The following PLEKHG2 variants were observed in gnomAD, a reference collection of about 807,000 sequenced individuals.
The protein encoded by PLEKHG2 is pleckstrin homology and RhoGEF domain containing G2.
A neutral mutation model predicts 104.4 loss-of-function variants in PLEKHG2; 71 were observed. The observed-to-expected ratio is 0.68, with a 90% CI of 0.56 to 0.83. PLEKHG2 has a LOEUF of 0.83. Ranked by LOEUF, PLEKHG2 falls within the 40% of genes least tolerant of loss-of-function variation. The pLI is 0.00. For missense variants in PLEKHG2, 1,730 were observed against 1,809.4 expected, an observed-to-expected ratio of 0.96 and a Z score of 0.80; for synonymous variants, 728 against 737.0, an observed-to-expected ratio of 0.99 and a Z score of 0.20.
chr19:39,416,523 G>T lies in PLEKHG2; in HGVS notation c.547-28G>T, dbSNP rs777656128. ...GGGTCGTGGGAAGCCAGGACCTGGG[G>T]TCTCCCTGACTCCCATGTCACCCGC... is the stretch of plus-strand genomic sequence containing the variant. On this transcript the variant is annotated intron_variant, in intron 5 of 18. Coordinates refer to ENST00000425673, the MANE Select transcript of PLEKHG2 (RefSeq NM_022835.3). The surrounding 1 kb of genome is among the most constrained non-coding windows in gnomAD (Gnocchi z 4.5). 3.2e-5 allele frequency: 52 copies of T among 1,613,626 alleles called. No homozygotes were observed. The highest frequency in any genetic ancestry group is 4.2e-5 in the Non-Finnish European group (49 of 1,179,838).
At position 39,423,816 on chromosome 19, in the gene PLEKHG2, C is replaced by A. The variant is rs200143824; in HGVS notation, c.2683C>A (p.Pro895Thr). ...TCAQESVPLG[P>T]AVWVQAAIPL... ...TGCCCAGGAGTCTGTCCCCCTGGGT[C>A]CTGCTGTCTGGGTTCAAGCTGCCAT... The change falls in exon 19 of 19, where the codon CCT (proline) becomes ACT (threonine). Residue 895 changes from proline to threonine, a missense_variant. By Grantham distance (38) the Pro-to-Thr change is conservative. Coordinates refer to ENST00000425673, the MANE Select transcript of PLEKHG2 (RefSeq NM_022835.3). 1 of 1,614,184 alleles carries A rather than the reference C, an allele frequency of 6.2e-7. No individual in the cohort carries two copies. Among genetic ancestry groups the A allele is most frequent in the East Asian group, 2.2e-5 (1 of 44,880 alleles).
At chr19:39,421,241 A>C in intron 15 of PLEKHG2, 42 bp from the exon 16 acceptor site, 2 of 1,613,452 alleles carry the variant, frequency 1.2e-6, no homozygotes, top group East Asian at 4.5e-5. Context: ...TTTCCCTTAC[A>C]TCTCACTAAT....
rs145859648 is a variant in PLEKHG2 at position 39,422,761 on chromosome 19, C to T, written c.1707C>T (p.Pro569=). Residue 569 remains proline (P), a synonymous_variant, in exon 18 of 19, where the codon CCC becomes CCT. Transcript: ENST00000425673. ...CCACCCATGACATTCCCAAGTTCCC[C>T]GGAGACTCCCAGGTGCCTGGCGACA... ...GPSTHDIPKF[P]GDSQVPGDSE... The T allele has an allele frequency of 1.9e-4, 297 of 1,523,684 alleles. 1 individual carries two copies. In the East Asian group the frequency reaches 3.7e-3, roughly 19 times the overall value. 94.4% of individuals were successfully genotyped at this position (1,523,684 alleles called of 1,614,324 possible). A position where few individuals can be genotyped will look rare whatever the true frequency, so the allele number is the denominator to read the frequency against.
Position 39,424,149 on chromosome 19 carries a change from C to G in PLEKHG2, c.3016C>G (p.Pro1006Ala), listed in dbSNP as rs376671296. The change falls in exon 19 of 19, where the codon CCT becomes GCT. Residue 1006 changes from proline (P) to alanine (A), a missense_variant. By Grantham distance (27) the Pro-to-Ala change is conservative. Coordinates refer to ENST00000425673, the MANE Select transcript of PLEKHG2 (RefSeq NM_022835.3). ...ACCAGCTCCATCCACCGCCTTTTGTCCTGAGCAGGGACACTGTGCGGACAT... is the reference window on the plus strand; with the variant it reads ...ACCAGCTCCATCCACCGCCTTTTGTGCTGAGCAGGGACACTGTGCGGACAT... ...VIPAPSTAFC[P>A]EQGHCADIHV... The G allele has an allele frequency of 6.2e-7, 1 of 1,614,188 alleles. No homozygotes were observed. The highest frequency in any genetic ancestry group is 8.5e-7 in the Non-Finnish European group (1 of 1,180,034).
chr19:39,416,211 A>G lies in PLEKHG2; in HGVS notation c.480-137A>G. On this transcript the variant is annotated intron_variant, in intron 4 of 18. Coordinates refer to ENST00000425673, the MANE Select transcript of PLEKHG2 (RefSeq NM_022835.3). The surrounding 1 kb of genome is among the most constrained non-coding windows in gnomAD (Gnocchi z 4.5). The stretch of plus-strand genomic sequence containing the variant: ...CCCTCAGAGGACCCTTCCTCCGGAC[A>G]TGACATCCCCTTAGGAGATGCTGGC... 1.2e-6 allele frequency: 1 copy of G among 820,042 alleles called. No individual in the cohort carries two copies. The highest frequency in any genetic ancestry group is 2.0e-6 in the Non-Finnish European group (1 of 493,596). 50.8% of individuals were successfully genotyped at this position (820,042 alleles called of 1,614,324 possible). A position where few individuals can be genotyped will look rare whatever the true frequency, so the allele number is the denominator to read the frequency against.
chr19:39,419,141 G>A, intron 11 of PLEKHG2, 138 bp downstream of exon 11: 2 of 775,890 alleles, frequency 2.6e-6, no homozygotes, highest in Non-Finnish European at 3.9e-6. Flanking sequence ...CCGCTACTTG[G>A]GTTTGAATCT....
In PLEKHG2 at chr19:39,422,220, C is replaced by A. The variant is rs567170190; in HGVS notation, c.1609C>A (p.Pro537Thr). 3 of 1,613,854 alleles carry A rather than the reference C, an allele frequency of 1.9e-6. No individual in the cohort carries two copies. Among genetic ancestry groups the A allele is most frequent in the East Asian group, 2.2e-5 (1 of 44,868 alleles). Residue 537 changes from proline to threonine, a missense_variant, in exon 17 of 19, where the codon CCC becomes ACC. By Grantham distance (38) the Pro-to-Thr change is conservative. Coordinates refer to ENST00000425673, the MANE Select transcript of PLEKHG2 (RefSeq NM_022835.3). The stretch of plus-strand genomic sequence containing the variant: ...GGATGCTGGACCCCCAACACTGGAC[C>A]CCTCTGGGACCTCAATCACTGAAGA... ...LEDAGPPTLD[P>T]SGTSITEEIL...
chr19:39,421,921 G>A (rs2078704181), intron 16 of PLEKHG2, 194 bp from the exon 17 acceptor site: 3 of 451,974 alleles, frequency 6.6e-6, no homozygotes, highest in Non-Finnish European at 1.1e-5. Flanking sequence ...GGAGGCTGAG[G>A]CAGCAGAATC....
chr19:39,423,803 T>C lies in PLEKHG2; in HGVS notation c.2670T>C (p.Ser890=), dbSNP rs747749442. 1 of 1,614,224 alleles carries C rather than the reference T, an allele frequency of 6.2e-7. No individual in the cohort carries two copies. The highest frequency in any genetic ancestry group is 8.5e-7 in the Non-Finnish European group (1 of 1,180,042). The change falls in exon 19 of 19, where the codon TCT becomes TCC. Residue 890 remains serine (S), a synonymous_variant. Coordinates refer to ENST00000425673, the MANE Select transcript of PLEKHG2 (RefSeq NM_022835.3). ...LAFPLTCAQE[S]VPLGPAVWVQ... is the part of the protein sequence containing the mutation. ...TCCCACTGACATGTGCCCAGGAGTC[T>C]GTCCCCCTGGGTCCTGCTGTCTGGG...
At position 39,423,926 on chromosome 19, in the gene PLEKHG2, C is replaced by T. The variant is rs1414066013; in HGVS notation, c.2793C>T (p.His931=). ...NLPKQDLPGI[H]VSAATLLPEQ... ...CTAAGCAAGACCTTCCGGGCATCCA[C>T]GTTTCAGCTGCTACCCTTTTGCCTG... Residue 931 remains histidine (H), a synonymous_variant, in exon 19 of 19, where the codon CAC becomes CAT. Transcript: ENST00000425673. 4.3e-6 allele frequency: 7 copies of T among 1,614,184 alleles called. No individual in the cohort carries two copies. Among genetic ancestry groups the T allele is most frequent in the Admixed American group, 3.3e-5 (2 of 60,024 alleles).
chr19:39,424,702 A>G lies in PLEKHG2; in HGVS notation c.3569A>G (p.Gln1190Arg). Residue 1190 changes from glutamine to arginine, a missense_variant, in exon 19 of 19, where the codon CAG becomes CGG. Transcript: ENST00000425673. Reference sequence around the variant, plus strand: ...CCGGAGCCAAGCCTTACAGATACACAGGTCCAAAAACTCACACCTTCGTTG... The same window carrying G: ...CCGGAGCCAAGCCTTACAGATACACGGGTCCAAAAACTCACACCTTCGTTG... The part of the protein sequence containing the change: ...PLPEPSLTDT[Q>R]VQKLTPSLEQ... 1.9e-6 allele frequency: 3 copies of G among 1,614,150 alleles called. No individual in the cohort carries two copies. Among genetic ancestry groups the G allele is most frequent in the Non-Finnish European group, 1.7e-6 (2 of 1,180,018 alleles).
intron 17 of PLEKHG2, 93 bp downstream of exon 17, chr19:39,422,381 A>ATT (rs529744489): frequency 6.6e-6 from 8 of 1,220,514 alleles, no homozygotes; most frequent in South Asian, 1.7e-5. Flanking sequence ...TGATACCTTT[A>ATT]TTTTTTTTTT....
rs762122588 is a variant in PLEKHG2 at position 39,416,559 on chromosome 19, T to C, written c.555T>C (p.Asp185=). ...IAECFVQRSE[D]FDIYTLYCMN... Reference sequence around the variant, plus strand: ...TCCCATGTCACCCGCAGAGCGAGGATTTTGACATCTACACATTGTACTGCA... The same window carrying C: ...TCCCATGTCACCCGCAGAGCGAGGACTTTGACATCTACACATTGTACTGCA... Residue 185 remains aspartate (D), a synonymous_variant, in exon 6 of 19, where the codon GAT becomes GAC. Transcript: ENST00000425673. The surrounding 1 kb of genome is among the most constrained non-coding windows in gnomAD (Gnocchi z 4.5). 71 of 1,610,106 alleles carry C rather than the reference T, an allele frequency of 4.4e-5. No individual in the cohort carries two copies. The highest frequency in any genetic ancestry group is 2.7e-4 in the Admixed American group (16 of 59,748).
rs1160817544 is a variant in PLEKHG2, at chr19:39,416,397, G to T, written c.529G>T (p.Glu177Ter). ...CAGCAGCAGCGCCGGGGGTATTGCC[G>T]AGTGCTTCGTGCAGAGGGTGAGTGG... The part of the protein sequence containing the change: ...ENSSSAGGIA[E>*]CFVQRSEDFD... Residue 177 changes from glutamate to a stop codon, truncating the protein, a stop_gained, in exon 5 of 19, where the codon GAG becomes TAG. Coordinates refer to ENST00000425673, the MANE Select transcript of PLEKHG2 (RefSeq NM_022835.3). LOFTEE classifies it high-confidence loss of function. This position sits in a 1 kb window ranked among gnomAD's most constrained non-coding sequence, Gnocchi z 4.5. The T allele has an allele frequency of 2.5e-6, 4 of 1,613,060 alleles. No homozygotes were observed. The highest frequency in any genetic ancestry group is 3.4e-6 in the Non-Finnish European group (4 of 1,179,786).
rs1206332644 is a variant in PLEKHG2, at chr19:39,417,999, G to A, written c.977G>A (p.Gly326Asp). 1.9e-6 allele frequency: 3 copies of A among 1,556,822 alleles called. No individual in the cohort carries two copies. Among genetic ancestry groups the A allele is most frequent in the African/African-American group, 1.4e-5 (1 of 73,282 alleles). Reference sequence around the variant, plus strand: ...GGCGCGTTCCGAGGAGGCGGAGGGGGTGGCCCCCGGCTACGAGGGGGTGAG... The same window carrying A: ...GGCGCGTTCCGAGGAGGCGGAGGGGATGGCCCCCGGCTACGAGGGGGTGAG... ...LEGAFRGGGGGGPRLRGGERL... is the reference protein window; with the variant it reads ...LEGAFRGGGGDGPRLRGGERL... Residue 326 changes from glycine to aspartate, a missense_variant, in exon 9 of 19, where the codon GGT becomes GAT. Transcript: ENST00000425673.
chr19:39,425,170 G>T lies in PLEKHG2; in HGVS notation c.4037G>T (p.Gly1346Val), dbSNP rs780032688. 2.5e-6 allele frequency: 4 copies of T among 1,602,062 alleles called. No homozygotes were observed. Among genetic ancestry groups the T allele is most frequent in the South Asian group, 1.1e-5 (1 of 89,568 alleles). The change falls in exon 19 of 19, where the codon GGT becomes GTT. Residue 1346 changes from glycine to valine, a missense_variant. Physicochemically the swap from Gly to Val is moderately radical, Grantham distance 109. Transcript: ENST00000425673. ...ATTVNIHVGG[G>V]GRLRPAKAQV... ...ACGGTTAACATCCACGTGGGCGGGGGTGGGCGGCTGCGGCCAGCCAAGGCC... is the reference window on the plus strand; with the variant it reads ...ACGGTTAACATCCACGTGGGCGGGGTTGGGCGGCTGCGGCCAGCCAAGGCC...
chr19:39,416,721 C>T lies in PLEKHG2; in HGVS notation c.593+124C>T, dbSNP rs2078610368. The T allele has an allele frequency of 4.1e-6, 6 of 1,469,056 alleles. No individual in the cohort carries two copies. The highest frequency in any genetic ancestry group is 1.4e-5 in the African/African-American group (1 of 72,018). The allele number at this position is 1,469,056 out of a possible 1,614,324, so 91.0% of individuals were successfully genotyped here. A position where few individuals can be genotyped will look rare whatever the true frequency, so the allele number is the denominator to read the frequency against. Reference sequence around the variant, plus strand: ...GACCCCTGCCAGGCTGTGACAGTAACTGACCTCTCCCTCACTGCCCCGCCC... The same window carrying T: ...GACCCCTGCCAGGCTGTGACAGTAATTGACCTCTCCCTCACTGCCCCGCCC... On this transcript the variant is annotated intron_variant, in intron 6 of 18. Transcript: ENST00000425673. The surrounding 1 kb of genome is among the most constrained non-coding windows in gnomAD (Gnocchi z 4.5).
intron 2 of PLEKHG2, 51 bp from the exon 3 acceptor site, chr19:39,414,941 A>C (rs747916513): frequency 1.8e-5 from 27 of 1,514,816 alleles, no homozygotes; most frequent in Non-Finnish European, 2.3e-5. Flanking sequence ...AAGGCTGTGG[A>C]AGTCCGTGCA....
rs1003474414 is a variant in PLEKHG2 at position 39,415,834 on chromosome 19, T to G, written c.479+395T>G. On this transcript the variant is annotated intron_variant, in intron 4 of 18. Transcript: ENST00000425673. This position sits in a 1 kb window ranked among gnomAD's most constrained non-coding sequence, Gnocchi z 4.6. ...GCTCACGATGAATCCAAGAATCATA[T>G]GGGGCCTGAAGGCCGAGACAGCGTG... is the stretch of plus-strand genomic sequence containing the variant. Among the ~76,000 whole-genome samples, 3 of 152,110 alleles carry G rather than the reference T, an allele frequency of 2.0e-5. No homozygotes were observed. Among genetic ancestry groups the G allele is most frequent in the African/African-American group, 7.2e-5 (3 of 41,412 alleles).
Sources: gnomAD v4.1 joint callset for allele counts (sites outside exome capture counted in the v4.1 genomes callset) on GRCh38, gnomAD v4.1.1 for gene constraint, Gnocchi (gnomAD v3.1) non-coding constraint, MANE v1.5 for transcripts, NCBI Gene and HGNC (gene_info 2026-07-23, HGNC 2026-07-21) for gene names.